Variants in LDHAL6A observed in about 807,000 individuals in gnomAD.
LDHAL6A encodes L-lactate dehydrogenase A-like 6A.
In LDHAL6A, 19 loss-of-function variants were observed where a neutral mutation model predicts 28.2. The ratio of observed to expected loss-of-function variants is 0.67; its 90% confidence interval spans 0.47 to 0.99. LDHAL6A has a LOEUF of 0.99. Among genes scored for constraint, LDHAL6A ranks in the 50% least tolerant of loss-of-function variants. The pLI is 0.00. For missense variants in LDHAL6A, 372 were observed against 398.6 expected, an observed-to-expected ratio of 0.93 and a Z score of 0.57; for synonymous variants, 144 against 134.4, an observed-to-expected ratio of 1.07 and a Z score of -0.49.
chr11:18,476,576 C>T, intron 5 of LDHAL6A, 75 bp downstream of exon 5: 3 of 1,535,524 alleles, frequency 2.0e-6, no homozygotes, highest in African/African-American at 1.4e-5. Context: ...TGAGATTAGT[C>T]CCTTAAATAT....
chr11:18,475,635 A>C lies in LDHAL6A; in HGVS notation c.588A>C (p.Ser196=). 6.2e-7 allele frequency: 1 copy of C among 1,612,564 alleles called. No individual in the cohort carries two copies. Among genetic ancestry groups the C allele is most frequent in the Non-Finnish European group, 8.5e-7 (1 of 1,179,424 alleles). The change falls in exon 4 of 7, where the codon TCA becomes TCC. Residue 196 remains serine (S), a synonymous_variant. Coordinates refer to ENST00000280706, the MANE Select transcript of LDHAL6A (RefSeq NM_144972.5). ...HGLILGEHGD[S]SVPVWSGVNI... ...TGATCCTTGGAGAGCATGGCGACTC[A>C]AGTGGTAAGCCTGAGGCACGATTGA...
At chr11:18,471,695 C>T (rs377304196) in intron 3 of LDHAL6A, among the ~76,000 whole-genome samples, 25 of 143,622 alleles carry the variant, frequency 1.7e-4, no homozygotes, top group East Asian at 1.7e-3. Flanking sequence ...GAGGCTGAGG[C>T]GGGAGGATTG....
rs1849139887 is a variant in LDHAL6A, at chr11:18,467,968, CGTATATATAT to C, written c.418+2159_418+2168del. The stretch of plus-strand genomic sequence containing the variant: ...ACATATATATATACGTATATATATA[CGTATATATAT>C]ACGTATATATATGCATATATATACG... On this transcript the variant is annotated intron_variant, in intron 3 of 6. Transcript: ENST00000280706. Among the ~76,000 whole-genome samples, 13 of 11,394 alleles carry C rather than the reference CGTATATATAT, an allele frequency of 1.1e-3. 1 individual carries two copies. The highest frequency in any genetic ancestry group is 3.8e-3 in the Admixed American group (2 of 532). 7.5% of individuals were successfully genotyped at this position (11,394 alleles called of 152,430 possible). A position where few individuals can be genotyped will look rare whatever the true frequency, so the allele number is the denominator to read the frequency against.
chr11:18,477,660 G>C lies in LDHAL6A; in HGVS notation c.751G>C (p.Gly251Arg), dbSNP rs1849421923. ...CAAAATGAAAGGTTATACTTCTTGG[G>C]GCATTAGCCTATCTGTAGCTGATTT... ...MVKMKGYTSW[G>R]ISLSVADLTE... The change falls in exon 6 of 7, where the codon GGC becomes CGC. Residue 251 changes from glycine to arginine, a missense_variant. Gly to Arg is a moderately radical substitution (Grantham distance 125). Coordinates refer to ENST00000280706, the MANE Select transcript of LDHAL6A (RefSeq NM_144972.5). The C allele has an allele frequency of 6.2e-7, 1 of 1,612,672 alleles. No homozygotes were observed. The highest frequency in any genetic ancestry group is 8.5e-7 in the Non-Finnish European group (1 of 1,179,516).
At chr11:18,464,992 G>GTTTTTTTTTTTTTTTTTTTTTTTTT (rs1212053975) in intron 2 of LDHAL6A, among the ~76,000 whole-genome samples, 1 of 119,818 alleles carries the variant, frequency 8.3e-6, no homozygotes, top group African/African-American at 3.5e-5. Context: ...TTTTTGTTTT[G>GTTTTTTTTTTTTTTTTTTTTTTTTT]TTTTGTTTTG....
At position 18,469,053 on chromosome 11, in the gene LDHAL6A, T is replaced by G. The variant is rs1849194363; in HGVS notation, c.418+3243T>G. 4.6e-5 allele frequency: 20 copies of G among 436,410 alleles called. No homozygotes were observed. In the South Asian group the frequency reaches 9.5e-4, roughly 21 times the overall value. 27.0% of individuals were successfully genotyped at this position (436,410 alleles called of 1,614,324 possible). ...ACATTATCACATTGTACAATAGTATTTTATATTTTCTTACACACTTTCCAG... is the reference window on the plus strand; with the variant it reads ...ACATTATCACATTGTACAATAGTATGTTATATTTTCTTACACACTTTCCAG... On this transcript the variant is annotated intron_variant, in intron 3 of 6. Transcript: ENST00000280706.
intron 3 of LDHAL6A, among the ~76,000 whole-genome samples, chr11:18,469,678 C>T (rs1849210976): frequency 1.3e-5 from 2 of 152,160 alleles, no homozygotes; most frequent in South Asian, 4.1e-4. Context: ...TCTTCCATAT[C>T]TATTTAGAAA....
At chr11:18,471,450 T>C (rs1849255817) in intron 3 of LDHAL6A, among the ~76,000 whole-genome samples, 1 of 151,802 alleles carries the variant, frequency 6.6e-6, no homozygotes, top group South Asian at 2.1e-4. Flanking sequence ...CCTCAAGTGA[T>C]CTACCCACCT....
In LDHAL6A at chr11:18,477,651, ACTTCT is replaced by A. The variant is rs1849421369; in HGVS notation, c.743_747del (p.Thr248MetfsTer4). 6.2e-7 allele frequency: 1 copy of A among 1,612,302 alleles called. No individual in the cohort carries two copies. The highest frequency in any genetic ancestry group is 8.5e-7 in the Non-Finnish European group (1 of 1,179,530). On this transcript the variant is annotated frameshift_variant, in exon 6 of 7. Transcript: ENST00000280706. LOFTEE classifies it high-confidence loss of function. ...TGAGATGGTCAAAATGAAAGGTTAT[ACTTCT>A]TGGGGCATTAGCCTATCTGTAGCTG...
Position 18,475,464 on chromosome 11 carries a change from A to T in LDHAL6A, c.419-2A>T, listed in dbSNP as rs1375023882. Reference sequence around the variant, plus strand: ...TTCTTGATATGAACTTTTTCTTCTTAGTGGATATCTTAACTTATGTAGCCT... The same window carrying T: ...TTCTTGATATGAACTTTTTCTTCTTTGTGGATATCTTAACTTATGTAGCCT... On this transcript the variant is annotated splice_acceptor_variant, in intron 3 of 6. Transcript: ENST00000280706. LOFTEE classifies it high-confidence loss of function. 3 of 1,607,800 alleles carry T rather than the reference A, an allele frequency of 1.9e-6. No individual in the cohort carries two copies. Among genetic ancestry groups the T allele is most frequent in the Non-Finnish European group, 2.6e-6 (3 of 1,176,150 alleles).
intron 3 of LDHAL6A, among the ~76,000 whole-genome samples, chr11:18,474,230 C>G (rs1019673271): frequency 6.6e-6 from 1 of 151,774 alleles, no homozygotes; most frequent in South Asian, 2.1e-4. Context: ...AGGTGTCCAC[C>G]ACCACGCCTG....
chr11:18,468,046 T>C (rs1313745432), intron 3 of LDHAL6A, among the ~76,000 whole-genome samples: 2 of 13,046 alleles, frequency 1.5e-4, no homozygotes, highest in African/African-American at 2.6e-4. Flanking sequence ...TACATATATA[T>C]ACGTATATAT....
rs1849422239 is a variant in LDHAL6A at position 18,477,663 on chromosome 11, A to AAGAAG, written c.754_755insAGAAG (p.Ile252LysfsTer7). ...AATGAAAGGTTATACTTCTTGGGGCATTAGCCTATCTGTAGCTGATTTAAC... is the reference window on the plus strand; with the variant it reads ...AATGAAAGGTTATACTTCTTGGGGCAAGAAGTTAGCCTATCTGTAGCTGATTTAAC... On this transcript the variant is annotated frameshift_variant, in exon 6 of 7. Coordinates refer to ENST00000280706, the MANE Select transcript of LDHAL6A (RefSeq NM_144972.5). LOFTEE classifies it high-confidence loss of function. The AAGAAG allele has an allele frequency of 6.2e-7, 1 of 1,613,052 alleles. No homozygotes were observed. The highest frequency in any genetic ancestry group is 8.5e-7 in the Non-Finnish European group (1 of 1,179,624).
At chr11:18,473,278 CAA>C (rs1849292861) in intron 3 of LDHAL6A, among the ~76,000 whole-genome samples, 1 of 152,266 alleles carries the variant, frequency 6.6e-6, no homozygotes, top group East Asian at 1.9e-4. Flanking sequence ...AGTAGCTCCT[CAA>C]AGTCCCAGGC....
At chr11:18,463,638 C>T (rs1848979616) in intron 1 of LDHAL6A, among the ~76,000 whole-genome samples, 1 of 152,208 alleles carries the variant, frequency 6.6e-6, no homozygotes, top group African/African-American at 2.4e-5. Flanking sequence ...GAAATTCCTT[C>T]AGCAGAAGCA....
chr11:18,477,563 T>C, intron 5 of LDHAL6A, 57 bp from the exon 6 acceptor site: 1 of 1,499,070 alleles, frequency 6.7e-7, no homozygotes, highest in East Asian at 2.4e-5. Flanking sequence ...TGCTACAAAG[T>C]GGAAGTTCAA....
rs1209697435 is a variant in LDHAL6A, at chr11:18,467,936, TACACAC to T, written c.418+2130_418+2135del. 7.2e-3 allele frequency among the ~76,000 whole-genome samples: 467 copies of T among 65,000 alleles called. 41 individuals carry two copies. The highest frequency in any genetic ancestry group is 0.032 in the African/African-American group (437 of 13,544). The allele number at this position is 65,000 out of a possible 152,430, so 42.6% of individuals were successfully genotyped here. On this transcript the variant is annotated intron_variant, in intron 3 of 6. Coordinates refer to ENST00000280706, the MANE Select transcript of LDHAL6A (RefSeq NM_144972.5). ...ATATATATACACACACATATATATA[TACACAC>T]ACATATATATATACGTATATATATA...
intron 3 of LDHAL6A, among the ~76,000 whole-genome samples, chr11:18,472,419 A>G (rs1343979650): frequency 6.6e-6 from 1 of 152,244 alleles, no homozygotes; most frequent in Non-Finnish European, 1.5e-5. Flanking sequence ...TCTAACTTTT[A>G]CATTAATGGA....
chr11:18,467,940 CACACAT>C (rs1343641116), intron 3 of LDHAL6A, among the ~76,000 whole-genome samples: 81 of 55,772 alleles, frequency 1.5e-3, no homozygotes, highest in African/African-American at 6.6e-3. Context: ...TATATATACA[CACACAT>C]ATATATATAC....
Sources: allele counts gnomAD v4.1 joint callset (sites outside exome capture counted in the v4.1 genomes callset), GRCh38; gene constraint gnomAD v4.1.1; transcripts MANE v1.5; gene names NCBI Gene and HGNC (gene_info 2026-07-23, HGNC 2026-07-21).